Variants in CNTNAP2 observed in about 807,000 individuals in gnomAD.
The protein encoded by CNTNAP2 is contactin-associated protein-like 2.
In CNTNAP2, 98 loss-of-function variants were observed where a neutral mutation model predicts 155.2. The observed-to-expected ratio is 0.63, with a 90% CI of 0.54 to 0.75. The LOEUF (loss-of-function observed/expected upper bound fraction) is 0.75. Ranked by LOEUF, CNTNAP2 falls within the 30% of genes least tolerant of loss-of-function variation. CNTNAP2 has a pLI of 0.00. For synonymous variants in CNTNAP2, 651 were observed against 631.2 expected, an observed-to-expected ratio of 1.03 and a Z score of -0.47; for missense variants, 1,727 against 1,688.1, an observed-to-expected ratio of 1.02 and a Z score of -0.40.
intron 15 of CNTNAP2, among the ~76,000 whole-genome samples, chr7:148,019,312 G>A (rs991564453): frequency 9.2e-5 from 14 of 152,164 alleles, no homozygotes; most frequent in Non-Finnish European, 1.9e-4. Context: ...CCAGGACCTG[G>A]ACCACCCAGT....
intron 1 of CNTNAP2, among the ~76,000 whole-genome samples, chr7:146,226,907 C>T (rs138482755): frequency 9.7e-4 from 148 of 152,134 alleles, no homozygotes; most frequent in African/African-American, 3.4e-3. Context: ...ACCACATGTA[C>T]ACTTCATTAC....
At chr7:147,252,308 TATC>T (rs1216701615) in intron 8 of CNTNAP2, among the ~76,000 whole-genome samples, 1 of 152,182 alleles carries the variant, frequency 6.6e-6, no homozygotes, top group Admixed American at 6.5e-5. Flanking sequence ...GATCTTTAAG[TATC>T]ATGAGAGTTT....
chr7:147,021,438 C>G (rs540543399), intron 3 of CNTNAP2, among the ~76,000 whole-genome samples: 2 of 152,172 alleles, frequency 1.3e-5, no homozygotes, highest in Non-Finnish European at 2.9e-5. Context: ...TTAGCCAGTT[C>G]TTTGTATGAT....
chr7:146,352,750 GTTTTTTTTTTT>G (rs531124445), intron 1 of CNTNAP2, among the ~76,000 whole-genome samples: 1 of 64,338 alleles, frequency 1.6e-5, no homozygotes, highest in Non-Finnish European at 2.9e-5. Context: ...GCATAATTCT[GTTTTTTTTTTT>G]TTTTTTTTTT....
chr7:147,895,048 G>A (rs1799756302), intron 13 of CNTNAP2, among the ~76,000 whole-genome samples: 1 of 129,812 alleles, frequency 7.7e-6, no homozygotes, highest in African/African-American at 2.9e-5. Flanking sequence ...TCAGCTCACT[G>A]CAAACTCCAC....
chr7:147,777,671 C>A (rs939065700), intron 13 of CNTNAP2, among the ~76,000 whole-genome samples: 1 of 152,162 alleles, frequency 6.6e-6, no homozygotes, highest in Non-Finnish European at 1.5e-5. Flanking sequence ...TTAATAGTGG[C>A]CCCATATATT....
intron 1 of CNTNAP2, among the ~76,000 whole-genome samples, chr7:146,750,180 C>T (rs1563215653): frequency 6.6e-6 from 1 of 152,118 alleles, no homozygotes; most frequent in Non-Finnish European, 1.5e-5. Context: ...CATATTCTTA[C>T]CACATCCTGA....
chr7:146,201,634 C>G (rs543304092), intron 1 of CNTNAP2, among the ~76,000 whole-genome samples: 1 of 114,766 alleles, frequency 8.7e-6, no homozygotes, highest in African/African-American at 3.3e-5. Context: ...TTTAAATGTC[C>G]CACGAGTGTG....
At chr7:147,454,068 T>G (rs1329037502) in intron 10 of CNTNAP2, among the ~76,000 whole-genome samples, 2 of 152,148 alleles carry the variant, frequency 1.3e-5, no homozygotes, top group African/African-American at 2.4e-5. Context: ...AGACATAGAG[T>G]TTTACATCAA....
intron 14 of CNTNAP2, among the ~76,000 whole-genome samples, chr7:147,960,680 A>C (rs1158602006): frequency 6.6e-6 from 1 of 152,114 alleles, no homozygotes. Flanking sequence ...TGAGCTCAAC[A>C]TCCTAAGGTC....
chr7:146,721,262 C>G (rs1338709966), intron 1 of CNTNAP2, among the ~76,000 whole-genome samples: 1,694 of 126,348 alleles, frequency 0.013, 32 homozygotes, highest in East Asian at 0.055. Flanking sequence ...TCTATATACT[C>G]TCTATATATT....
At chr7:146,521,883 T>A (rs1797621219) in intron 1 of CNTNAP2, among the ~76,000 whole-genome samples, 1 of 152,040 alleles carries the variant, frequency 6.6e-6, no homozygotes, top group South Asian at 2.1e-4. Flanking sequence ...TCAAAGGCTT[T>A]AATTCCGCCT....
intron 8 of CNTNAP2, among the ~76,000 whole-genome samples, chr7:147,225,369 G>A (rs947884000): frequency 3.3e-5 from 5 of 151,938 alleles, no homozygotes; most frequent in South Asian, 4.1e-4. Flanking sequence ...AAATATTTTC[G>A]TTCTAGCTAA....
intron 9 of CNTNAP2, among the ~76,000 whole-genome samples, chr7:147,391,295 C>G (rs1796712968): frequency 6.6e-6 from 1 of 152,094 alleles, no homozygotes. Flanking sequence ...ATGCTGTTTC[C>G]CGGACATGAT....
At chr7:147,495,225 C>T (rs193296583) in intron 11 of CNTNAP2, among the ~76,000 whole-genome samples, 3 of 152,092 alleles carry the variant, frequency 2.0e-5, no homozygotes, top group Non-Finnish European at 4.4e-5. Context: ...CAAGCAGGAA[C>T]GGAACTCTGA....
chr7:147,759,331 A>G (rs1319583466), intron 13 of CNTNAP2, among the ~76,000 whole-genome samples: 1 of 152,232 alleles, frequency 6.6e-6, no homozygotes, highest in Non-Finnish European at 1.5e-5. Flanking sequence ...TTCTCTGAGC[A>G]TATTGTTTAA....
At chr7:147,835,229 A>C (rs1474046678) in intron 13 of CNTNAP2, among the ~76,000 whole-genome samples, 1 of 152,218 alleles carries the variant, frequency 6.6e-6, no homozygotes, top group Admixed American at 6.5e-5. Context: ...TATTTTAAAG[A>C]AGGAGGACCA....
At chr7:147,709,126 T>C (rs558720673) in intron 13 of CNTNAP2, among the ~76,000 whole-genome samples, 8 of 152,262 alleles carry the variant, frequency 5.3e-5, no homozygotes, top group East Asian at 1.9e-4. Context: ...GTCTCAGTTT[T>C]CAAACCAAGG....
At chr7:146,188,024 C>A in intron 1 of CNTNAP2, among the ~76,000 whole-genome samples, 1 of 151,992 alleles carries the variant, frequency 6.6e-6, no homozygotes, top group East Asian at 1.9e-4. Flanking sequence ...TCTCTATAAT[C>A]GTAATATTTT....
Sources: allele counts gnomAD v4.1 joint callset (sites outside exome capture counted in the v4.1 genomes callset), GRCh38; gene constraint gnomAD v4.1.1; transcripts MANE v1.5; gene names NCBI Gene and HGNC (gene_info 2026-07-23, HGNC 2026-07-21).